Variants in SLC17A7 observed in about 807,000 individuals in gnomAD.
SLC17A7 encodes the protein vesicular glutamate transporter 1.
In SLC17A7, 15 loss-of-function variants were observed where a neutral mutation model predicts 59.1. That is an observed-to-expected ratio of 0.25 (90% CI 0.17 to 0.39). The LOEUF (loss-of-function observed/expected upper bound fraction) is 0.39. SLC17A7 is among the 10% of genes least tolerant of loss of function. SLC17A7 has a pLI of 1.00. For missense variants in SLC17A7, 499 were observed against 765.1 expected, an observed-to-expected ratio of 0.65 and a Z score of 4.10; for synonymous variants, 353 against 308.9, an observed-to-expected ratio of 1.14 and a Z score of -1.50.
Position 49,433,095 on chromosome 19 carries a change from G to T in SLC17A7, c.868-135C>A. 1.1e-6 allele frequency: 1 copy of T among 943,822 alleles called. No individual in the cohort carries two copies. The highest frequency in any genetic ancestry group is 1.6e-6 in the Non-Finnish European group (1 of 632,764). The allele number at this position is 943,822 out of a possible 1,614,324, so 58.5% of individuals were successfully genotyped here. ...CACTGAAACTTCTATGGACCCAAAG[G>T]CGCGGGCTACACCATGTTGCCGTGG... On this transcript the variant is annotated intron_variant, in intron 7 of 11. Coordinates refer to ENST00000221485, the MANE Select transcript of SLC17A7 (RefSeq NM_020309.4). This position sits in a 1 kb window ranked among gnomAD's most constrained non-coding sequence, Gnocchi z 5.7.
chr19:49,435,506 T>TC (rs961453168), intron 2 of SLC17A7: 2 of 483,452 alleles, frequency 4.1e-6, no homozygotes, highest in Non-Finnish European at 7.4e-6. Flanking sequence ...AACAACAGAG[T>TC]CCATCACCAC....
In SLC17A7 at chr19:49,431,505, C is replaced by G; in HGVS notation, c.1151-57G>C. On this transcript the variant is annotated intron_variant, in intron 9 of 11. Coordinates refer to ENST00000221485, the MANE Select transcript of SLC17A7 (RefSeq NM_020309.4). This position sits in a 1 kb window ranked among gnomAD's most constrained non-coding sequence, Gnocchi z 4.6. Reference sequence around the variant, plus strand: ...AGTGTCGGCCGGAGCAAGGCGCAGGCTGCCCCACACCGCCCTTCCAGACCT... The same window carrying G: ...AGTGTCGGCCGGAGCAAGGCGCAGGGTGCCCCACACCGCCCTTCCAGACCT... The G allele has an allele frequency of 7.0e-7, 1 of 1,437,778 alleles. No homozygotes were observed. Among genetic ancestry groups the G allele is most frequent in the East Asian group, 2.3e-5 (1 of 43,274 alleles). 89.1% of individuals were successfully genotyped at this position (1,437,778 alleles called of 1,614,324 possible). A position where few individuals can be genotyped will look rare whatever the true frequency, so the allele number is the denominator to read the frequency against.
rs140328944 is a variant in SLC17A7 at position 49,430,126 on chromosome 19, A to G, written c.*393T>C. On this transcript the variant is annotated 3_prime_UTR_variant, in exon 12 of 12. Coordinates refer to ENST00000221485, the MANE Select transcript of SLC17A7 (RefSeq NM_020309.4). ...TTGAATTTTTCTGAAAGGAGATGGG[A>G]GCTGAGTGATCTCAAAGGTTAGCCT... 33 of 168,566 alleles carry G rather than the reference A, an allele frequency of 2.0e-4. No individual in the cohort carries two copies. The East Asian group carries it at 5.7e-3, about 29-fold the overall frequency. 10.4% of individuals were successfully genotyped at this position (168,566 alleles called of 1,614,324 possible).
chr19:49,436,697 C>A lies in SLC17A7; in HGVS notation c.167G>T (p.Cys56Phe). 1 of 1,613,660 alleles carries A rather than the reference C, an allele frequency of 6.2e-7. No individual in the cohort carries two copies. Among genetic ancestry groups the A allele is most frequent in the Non-Finnish European group, 8.5e-7 (1 of 1,179,964 alleles). ...AATGTAGCGGCGAGGGAGGCCGAAGCAGGTGCAGTCCACCACCGGCGGGTC... is the reference window on the plus strand; with the variant it reads ...AATGTAGCGGCGAGGGAGGCCGAAGAAGGTGCAGTCCACCACCGGCGGGTC... Reference protein sequence around the residue: ...TRDPPVVDCTCFGLPRRYIIA... With the variant: ...TRDPPVVDCTFFGLPRRYIIA... The change falls in exon 2 of 12, where the codon TGC becomes TTC. Residue 56 changes from cysteine to phenylalanine, a missense_variant. Physicochemically the swap from Cys to Phe is radical, Grantham distance 205 (BLOSUM62 -2). Around this residue, in one of 3 missense-constraint regions of SLC17A7, gnomAD observed 78 missense variants for 80.4 expected, o/e 0.97. Coordinates refer to ENST00000221485, the MANE Select transcript of SLC17A7 (RefSeq NM_020309.4). The surrounding 1 kb of genome is among the most constrained non-coding windows in gnomAD (Gnocchi z 4.1).
chr19:49,434,042 G>C lies in SLC17A7; in HGVS notation c.642C>G (p.Ser214=). 1.2e-6 allele frequency: 2 copies of C among 1,610,152 alleles called. No homozygotes were observed. The highest frequency in any genetic ancestry group is 8.5e-7 in the Non-Finnish European group (1 of 1,176,786). ...SRLATTAFCG[S]YAGAVVAMPL... ...GCATCGCGACCACCGCCCCAGCATA[G>C]GAACCTAAGGGGGAGGATGCGGGGG... Residue 214 remains serine (S), a synonymous_variant, in exon 6 of 12, where the codon TCC becomes TCG. Transcript: ENST00000221485.
rs1056972104 is a variant in SLC17A7, at chr19:49,431,804, G to T, written c.1151-356C>A. On this transcript the variant is annotated intron_variant, in intron 9 of 11. Transcript: ENST00000221485. The surrounding 1 kb of genome is among the most constrained non-coding windows in gnomAD (Gnocchi z 4.6). ...TTGGTTTTTTTTTTTTTTAATTTTT[G>T]ATTTTTTATTTTTTTTAAGAGACAA... Among the ~76,000 whole-genome samples, 56 of 149,648 alleles carry T rather than the reference G, an allele frequency of 3.7e-4. No individual in the cohort carries two copies. Among genetic ancestry groups the T allele is most frequent in the Middle Eastern group, 3.4e-3 (1 of 290 alleles).
At chr19:49,437,434 G>C (rs1011848966) in intron 1 of SLC17A7, 1 of 154,346 alleles carries the variant, frequency 6.5e-6, no homozygotes, top group Non-Finnish European at 1.4e-5. Context: ...CGTGACTCTC[G>C]CCCCCGCCCG....
intron 4 of SLC17A7, 23 bp downstream of exon 4, chr19:49,434,745 G>C (rs746345151): frequency 6.2e-7 from 1 of 1,613,994 alleles, no homozygotes; most frequent in South Asian, 1.1e-5. Context: ...GCGAGGGCAG[G>C]GTCATATCAG....
chr19:49,430,088 C>G lies in SLC17A7; in HGVS notation c.*431G>C, dbSNP rs189967147. 68 of 163,010 alleles carry G rather than the reference C, an allele frequency of 4.2e-4. No homozygotes were observed. The highest frequency in any genetic ancestry group is 1.5e-3 in the African/African-American group (62 of 41,910). The allele number at this position is 163,010 out of a possible 1,614,324, so 10.1% of individuals were successfully genotyped here. A position where few individuals can be genotyped will look rare whatever the true frequency, so the allele number is the denominator to read the frequency against. On this transcript the variant is annotated 3_prime_UTR_variant, in exon 12 of 12. Coordinates refer to ENST00000221485, the MANE Select transcript of SLC17A7 (RefSeq NM_020309.4). ...CAGAGTTGGGAGAGATTTGAAACTT[C>G]TAGAGGAGGACCTTGAATTTTTCTG...
At chr19:49,430,989 G>T (rs375622644) in intron 11 of SLC17A7, 26 bp downstream of exon 11, 1 of 1,591,986 alleles carries the variant, frequency 6.3e-7, no homozygotes, top group Non-Finnish European at 8.6e-7. Flanking sequence ...CTTGGAGGCA[G>T]ACTGAGTCAG....
intron 1 of SLC17A7, chr19:49,438,453 G>A (rs1479301731): frequency 2.0e-5 from 3 of 152,476 alleles, no homozygotes; most frequent in Non-Finnish European, 2.9e-5. Flanking sequence ...AACAGATGGA[G>A]GCGAGGGAGA....
rs753025606 is a variant in SLC17A7 at position 49,434,706 on chromosome 19, C to T, written c.550-17G>A. On this transcript the variant is annotated splice_polypyrimidine_tract_variant and intron_variant, in intron 4 of 11. Transcript: ENST00000221485. ...TGTGACCCCCTAAAGAGGAGAAAAC[C>T]AAGGTCACTGAGAAGAGGCAGGGTC... is the stretch of plus-strand genomic sequence containing the variant. 1.2e-6 allele frequency: 2 copies of T among 1,614,034 alleles called. No homozygotes were observed. The highest frequency in any genetic ancestry group is 2.7e-5 in the African/African-American group (2 of 74,914).
rs1433183145 is a variant in SLC17A7, at chr19:49,433,351, C to T, written c.867+375G>A. The T allele has an allele frequency of 2.3e-6, 1 of 435,004 alleles. No homozygotes were observed. The highest frequency in any genetic ancestry group is 2.0e-5 in the African/African-American group (1 of 49,644). 26.9% of individuals were successfully genotyped at this position (435,004 alleles called of 1,614,324 possible). A position where few individuals can be genotyped will look rare whatever the true frequency, so the allele number is the denominator to read the frequency against. On this transcript the variant is annotated intron_variant, in intron 7 of 11. Transcript: ENST00000221485. The surrounding 1 kb of genome is among the most constrained non-coding windows in gnomAD (Gnocchi z 5.7). ...CTCAAGCGATCCTGCAGCCTCCACCCCCAAAGTGTTGGGATTGCAGGCGGA... is the reference window on the plus strand; with the variant it reads ...CTCAAGCGATCCTGCAGCCTCCACCTCCAAAGTGTTGGGATTGCAGGCGGA...
rs747612607 is a variant in SLC17A7, at chr19:49,431,168, G to T, written c.1262-26C>A. The T allele has an allele frequency of 6.2e-7, 1 of 1,605,690 alleles. No homozygotes were observed. ...CTGGCGGAGAGACAAGTCGGAAGGC[G>T]TCACACCGGAATCTCACTCGAGTGA... On this transcript the variant is annotated intron_variant, in intron 10 of 11. Coordinates refer to ENST00000221485, the MANE Select transcript of SLC17A7 (RefSeq NM_020309.4). This position sits in a 1 kb window ranked among gnomAD's most constrained non-coding sequence, Gnocchi z 4.6.
At chr19:49,435,065 C>A in intron 3 of SLC17A7, 103 bp downstream of exon 3, 1 of 1,053,350 alleles carries the variant, frequency 9.5e-7, no homozygotes. Context: ...CAAATCCAGG[C>A]TTCTCCCATT....
intron 8 of SLC17A7, 48 bp from the exon 9 acceptor site, chr19:49,432,699 C>T (rs1346137926): frequency 1.9e-6 from 3 of 1,604,838 alleles, no homozygotes; most frequent in Non-Finnish European, 2.6e-6. Flanking sequence ...GCCGCCGGCT[C>T]GGCGTCTCTG....
Position 49,433,043 on chromosome 19 carries a change from T to C in SLC17A7, c.868-83A>G, listed in dbSNP as rs376258561. Reference sequence around the variant, plus strand: ...GTCCCTTCAGGGACCACAGTGTAGTTCTGCAGAAACCAAAGGATCCCGACC... The same window carrying C: ...GTCCCTTCAGGGACCACAGTGTAGTCCTGCAGAAACCAAAGGATCCCGACC... On this transcript the variant is annotated intron_variant, in intron 7 of 11. Coordinates refer to ENST00000221485, the MANE Select transcript of SLC17A7 (RefSeq NM_020309.4). This position sits in a 1 kb window ranked among gnomAD's most constrained non-coding sequence, Gnocchi z 5.7. 319 of 1,409,028 alleles carry C rather than the reference T, an allele frequency of 2.3e-4. No individual in the cohort carries two copies. The Middle Eastern group carries it at 2.3e-3, about 10-fold the overall frequency. The allele number at this position is 1,409,028 out of a possible 1,614,324, so 87.3% of individuals were successfully genotyped here. A position where few individuals can be genotyped will look rare whatever the true frequency, so the allele number is the denominator to read the frequency against.
In SLC17A7 at chr19:49,429,641, G is replaced by A. The variant is rs149907462; in HGVS notation, c.*878C>T. On this transcript the variant is annotated 3_prime_UTR_variant, in exon 12 of 12. Coordinates refer to ENST00000221485, the MANE Select transcript of SLC17A7 (RefSeq NM_020309.4). ...TAAGCCCCTGAGGGACACAACAAAT[G>A]GCCACTGAGAAACAGGGTAGTTCGA... 1.4e-3 allele frequency: 570 copies of A among 398,838 alleles called. 2 individuals are homozygous for A. Among genetic ancestry groups the A allele is most frequent in the African/African-American group, 0.01 (499 of 48,704 alleles). The allele number at this position is 398,838 out of a possible 1,614,324, so 24.7% of individuals were successfully genotyped here. A position where few individuals can be genotyped will look rare whatever the true frequency, so the allele number is the denominator to read the frequency against.
At chr19:49,434,107 AC>A in intron 5 of SLC17A7, 61 bp from the exon 6 acceptor site, 1 of 1,091,704 alleles carries the variant, frequency 9.2e-7, no homozygotes, top group Non-Finnish European at 1.4e-6. Flanking sequence ...AGGAGTGCGG[AC>A]CCCCACCGCT....
Sources: allele counts gnomAD v4.1 joint callset (sites outside exome capture counted in the v4.1 genomes callset), GRCh38; gene constraint gnomAD v4.1.1; regional missense constraint gnomAD v4.1.1; non-coding constraint Gnocchi (gnomAD v3.1); transcripts MANE v1.5; gene names NCBI Gene and HGNC (gene_info 2026-07-23, HGNC 2026-07-21).